The following ENDOV variants were observed in gnomAD, a reference collection of about 807,000 sequenced individuals.
ENDOV encodes hEndoV.
In ENDOV, 37 loss-of-function variants were observed where a neutral mutation model predicts 39.4. The observed-to-expected ratio is 0.94, with a 90% CI of 0.72 to 1.23. The LOEUF (loss-of-function observed/expected upper bound fraction) is 1.23, where lower values mean the gene tolerates loss of function less well. ENDOV is among the 50% of genes most tolerant of loss of function. The pLI is 0.00. For missense variants in ENDOV, 441 were observed against 375.7 expected (o/e 1.17, Z -1.44); for synonymous variants, 186 against 163.4 (o/e 1.14, Z -1.05).
chr17:80,417,831 C>G (rs1220799319), intron 2 of ENDOV: 1 of 152,186 alleles, frequency 6.6e-6, no homozygotes, highest in African/African-American at 2.4e-5. Context: ...ACGCTGGACT[C>G]TTCCTTCAAG....
chr17:80,435,287 C>T (rs948079432), intron 9 of ENDOV, among the ~76,000 whole-genome samples: 1 of 152,150 alleles, frequency 6.6e-6, no homozygotes, highest in Non-Finnish European at 1.5e-5. Flanking sequence ...TTTAAGAAGC[C>T]ATTGACTAAT....
chr17:80,432,572 G>C (rs1030464740), intron 9 of ENDOV, among the ~76,000 whole-genome samples: 1 of 152,120 alleles, frequency 6.6e-6, no homozygotes, highest in East Asian at 1.9e-4. Flanking sequence ...CAGAGGTCCC[G>C]TGTCATTGCC....
Position 80,415,826 on chromosome 17 carries a change from C to G in ENDOV, c.228+5C>G. ...CTCAGCTTCCCTGAGCTCGAGGTAA[C>G]CTGGGAGGACGCCGAGCTCGAGGCG... is the stretch of plus-strand genomic sequence containing the variant. On this transcript the variant is annotated splice_donor_5th_base_variant and intron_variant, in intron 2 of 9. Transcript: ENST00000518137. 1 of 1,587,742 alleles carries G rather than the reference C, an allele frequency of 6.3e-7. No homozygotes were observed. The highest frequency in any genetic ancestry group is 8.6e-7 in the Non-Finnish European group (1 of 1,167,280).
intron 9 of ENDOV, among the ~76,000 whole-genome samples, chr17:80,434,406 T>C (rs111610981): frequency 5.1e-4 from 77 of 152,366 alleles, no homozygotes; most frequent in African/African-American, 1.7e-3. Flanking sequence ...CAATGAAGAC[T>C]GATGTACACG....
chr17:80,428,220 C>G (rs1382662397), intron 7 of ENDOV, among the ~76,000 whole-genome samples: 1 of 152,236 alleles, frequency 6.6e-6, no homozygotes, highest in Non-Finnish European at 1.5e-5. Flanking sequence ...AGCAGGGAAG[C>G]CTCGGCTTGC....
At position 80,430,522 on chromosome 17, in the gene ENDOV, C is replaced by T. The variant is rs1229807181; in HGVS notation, c.838+691C>T. ...ACGGGAGGGGTCCTAGCTGGGGTAGCTGGGCTTTAGCACCTGCTCACTGCC... is the reference window on the plus strand; with the variant it reads ...ACGGGAGGGGTCCTAGCTGGGGTAGTTGGGCTTTAGCACCTGCTCACTGCC... On this transcript the variant is annotated intron_variant, in intron 9 of 9. Coordinates refer to ENST00000518137, the MANE Select transcript of ENDOV (RefSeq NM_173627.5). 1.3e-5 allele frequency: 7 copies of T among 532,324 alleles called. No individual in the cohort carries two copies. In the Admixed American group the frequency reaches 2.1e-4, roughly 16 times the overall value. 33.0% of individuals were successfully genotyped at this position (532,324 alleles called of 1,614,324 possible).
chr17:80,419,723 C>T (rs889521144), intron 2 of ENDOV: 3 of 698,914 alleles, frequency 4.3e-6, no homozygotes, highest in Non-Finnish European at 5.2e-6. Flanking sequence ...CTTCACTGGT[C>T]AGTGGCCCTC....
chr17:80,435,707 C>T (rs1187224022), intron 9 of ENDOV, among the ~76,000 whole-genome samples: 5 of 151,932 alleles, frequency 3.3e-5, no homozygotes, highest in Admixed American at 1.3e-4. Context: ...CTCCGCCTCC[C>T]GGGTTCACGC....
chr17:80,428,736 C>A, intron 8 of ENDOV, 76 bp downstream of exon 8: 1 of 1,402,368 alleles, frequency 7.1e-7, no homozygotes, highest in Non-Finnish European at 9.8e-7. Context: ...GGTGGCTCAG[C>A]CTCTCCTTGT....
chr17:80,435,135 C>G (rs2083526103), intron 9 of ENDOV, among the ~76,000 whole-genome samples: 1 of 151,990 alleles, frequency 6.6e-6, no homozygotes, highest in South Asian at 2.1e-4. Flanking sequence ...GTTCTGAATC[C>G]TAGATATTGA....
intron 5 of ENDOV, chr17:80,424,074 C>G (rs1232375353): frequency 7.6e-6 from 3 of 396,996 alleles, no homozygotes; most frequent in Non-Finnish European, 8.9e-6. Flanking sequence ...CTGCCACCCA[C>G]ACTCTTCCTA....
At chr17:80,418,843 T>C (rs1308347070) in intron 2 of ENDOV, 1 of 152,116 alleles carries the variant, frequency 6.6e-6, no homozygotes, top group African/African-American at 2.4e-5. Flanking sequence ...AAGTGAACTT[T>C]ATGGTATGTT....
Position 80,415,215 on chromosome 17 carries a change from A to C in ENDOV, c.21A>C (p.Gly7=), listed in dbSNP as rs763098981. ...AAGCCATGGCCCTGGAGGCGGCGGG[A>C]GGGCCGCCGGAGGAAACGCTGTCAC... is the stretch of plus-strand genomic sequence containing the variant. MALEAA[G]GPPEETLSLW... Residue 7 remains glycine, a synonymous_variant, in exon 1 of 10, where the codon GGA becomes GGC. Transcript: ENST00000518137. 2.5e-6 allele frequency: 4 copies of C among 1,613,054 alleles called. No individual in the cohort carries two copies. The highest frequency in any genetic ancestry group is 3.3e-5 in the Admixed American group (2 of 59,988).
intron 4 of ENDOV, among the ~76,000 whole-genome samples, chr17:80,422,474 C>A (rs1275411638): frequency 6.6e-6 from 1 of 152,252 alleles, no homozygotes; most frequent in Non-Finnish European, 1.5e-5. Context: ...CTTTCCTGTC[C>A]GCCACTGCCT....
intron 2 of ENDOV, chr17:80,419,801 A>G: frequency 3.1e-6 from 2 of 653,608 alleles, no homozygotes; most frequent in South Asian, 3.3e-5. Flanking sequence ...AGGAACTTGG[A>G]TGTGGTCTAC....
intron 9 of ENDOV, chr17:80,430,309 C>G: frequency 6.6e-7 from 1 of 1,515,962 alleles, no homozygotes; most frequent in African/African-American, 1.4e-5. Flanking sequence ...TTTGCCCACC[C>G]CTTTCAATAG....
At chr17:80,422,034 C>A in intron 3 of ENDOV, 72 bp downstream of exon 3, 1 of 1,580,300 alleles carries the variant, frequency 6.3e-7, no homozygotes, top group South Asian at 1.1e-5. Context: ...TGCTGCAGGT[C>A]GCCACCACCA....
chr17:80,415,488 G>A (rs1460583780), intron 1 of ENDOV, 162 bp from the exon 2 acceptor site: 2 of 1,094,716 alleles, frequency 1.8e-6, no homozygotes, highest in Non-Finnish European at 2.6e-6. Context: ...GGTCTCCGCC[G>A]CCTGGGCTCC....
intron 5 of ENDOV, 88 bp from the exon 6 acceptor site, chr17:80,424,944 C>A: frequency 8.8e-7 from 1 of 1,134,056 alleles, no homozygotes; most frequent in Non-Finnish European, 1.3e-6. Flanking sequence ...AACAGTGCGA[C>A]ACTCCGTCTC....
Sources: allele counts gnomAD v4.1 joint callset (sites outside exome capture counted in the v4.1 genomes callset), GRCh38; gene constraint gnomAD v4.1.1; transcripts MANE v1.5; gene names NCBI Gene and HGNC (gene_info 2026-07-23, HGNC 2026-07-21).